SMOC1: variants seen among roughly 807,000 people sequenced by gnomAD.
The protein encoded by SMOC1 is SPARC related modular calcium binding 1.
Under a neutral mutation model 56.3 loss-of-function variants are expected in SMOC1, and 22 were observed. The ratio of observed to expected loss-of-function variants is 0.39; its 90% CI spans 0.28 to 0.56. SMOC1 has a LOEUF of 0.56. Among genes scored for constraint, SMOC1 ranks in the 20% least tolerant of loss-of-function variants. The probability of loss-of-function intolerance (pLI) is 0.61; values close to 1 mark genes in which losing one functional copy is unlikely to be tolerated. For missense variants in SMOC1, 509 were observed against 565.4 expected (o/e 0.90, Z 1.01); for synonymous variants, 193 against 215.0 (o/e 0.90, Z 0.89).
intron 3 of SMOC1, among the ~76,000 whole-genome samples, chr14:69,973,447 T>C (rs985256125): frequency 4.6e-5 from 7 of 152,340 alleles, no homozygotes; most frequent in African/African-American, 1.7e-4. Flanking sequence ...TCTATCTGGA[T>C]TTTTTTCCAT....
intron 3 of SMOC1, among the ~76,000 whole-genome samples, chr14:69,971,899 T>C (rs1014904723): frequency 2.6e-5 from 4 of 152,238 alleles, no homozygotes; most frequent in African/African-American, 9.6e-5. Context: ...CTGCTCAGAA[T>C]AGGATGTTCT....
At chr14:69,891,813 T>C (rs1468247865) in intron 1 of SMOC1, among the ~76,000 whole-genome samples, 1 of 152,184 alleles carries the variant, frequency 6.6e-6, no homozygotes, top group African/African-American at 2.4e-5. Flanking sequence ...CCCAGGTAAA[T>C]TGGAATTTCA....
intron 11 of SMOC1, among the ~76,000 whole-genome samples, chr14:70,027,778 G>A (rs1273459113): frequency 6.6e-6 from 1 of 152,210 alleles, no homozygotes; most frequent in Non-Finnish European, 1.5e-5. Context: ...TAATGTGTGT[G>A]AAGAACTTAG....
At chr14:69,935,788 G>A (rs1251164236) in intron 1 of SMOC1, among the ~76,000 whole-genome samples, 2 of 152,208 alleles carry the variant, frequency 1.3e-5, no homozygotes, top group Admixed American at 1.3e-4. Context: ...TAGGAACAGT[G>A]AGGATTGCGT....
At chr14:69,982,233 T>G (rs1884206386) in intron 5 of SMOC1, among the ~76,000 whole-genome samples, 1 of 152,234 alleles carries the variant, frequency 6.6e-6, no homozygotes, top group Non-Finnish European at 1.5e-5. Flanking sequence ...TAAACTTTTC[T>G]GCATGGGCTT....
chr14:69,977,815 A>G (rs1594834593), intron 4 of SMOC1, 103 bp from the exon 5 acceptor site: 2 of 863,156 alleles, frequency 2.3e-6, no homozygotes, highest in Non-Finnish European at 2.0e-6. Context: ...ATACATATAT[A>G]CATGACCATA....
intron 1 of SMOC1, among the ~76,000 whole-genome samples, chr14:69,900,972 G>C (rs919509688): frequency 2.0e-5 from 3 of 152,140 alleles, no homozygotes; most frequent in African/African-American, 7.2e-5. Context: ...TTTTTGGGTT[G>C]GAGCTGCTCC....
At chr14:69,970,559 C>T (rs1405344337) in intron 3 of SMOC1, among the ~76,000 whole-genome samples, 1 of 152,192 alleles carries the variant, frequency 6.6e-6, no homozygotes, top group Non-Finnish European at 1.5e-5. Flanking sequence ...CTTTGAGGCC[C>T]AAGTGAGATA....
chr14:69,939,373 T>TG (rs1422369482), intron 1 of SMOC1, among the ~76,000 whole-genome samples: 1 of 152,146 alleles, frequency 6.6e-6, no homozygotes, highest in Non-Finnish European at 1.5e-5. Flanking sequence ...GAGAACAGCA[T>TG]GGGAAAAAAC....
chr14:69,948,738 A>G (rs1188767347), intron 1 of SMOC1, among the ~76,000 whole-genome samples: 1 of 152,214 alleles, frequency 6.6e-6, no homozygotes, highest in Non-Finnish European at 1.5e-5. Context: ...AAGAAGATGA[A>G]CAAGAACTTA....
At chr14:69,977,340 T>C (rs150153568) in intron 4 of SMOC1, among the ~76,000 whole-genome samples, 4 of 152,334 alleles carry the variant, frequency 2.6e-5, no homozygotes, top group African/African-American at 7.2e-5. Flanking sequence ...ACATACCTGC[T>C]ACCCGCTCCT....
Position 69,992,403 on chromosome 14 carries a change from A to C in SMOC1, c.527-14A>C. On this transcript the variant is annotated splice_polypyrimidine_tract_variant and intron_variant, in intron 5 of 11. Transcript: ENST00000361956. ...TGGTAGTCTCCTTTCGATTCTTTTT[A>C]ACCCTCAATTCAGATGACGGGTCTA... 1.2e-6 allele frequency: 2 copies of C among 1,613,786 alleles called. No homozygotes were observed. The highest frequency in any genetic ancestry group is 1.7e-6 in the Non-Finnish European group (2 of 1,179,800).
intron 1 of SMOC1, among the ~76,000 whole-genome samples, chr14:69,891,965 C>A (rs1883973561): frequency 6.6e-6 from 1 of 151,904 alleles, no homozygotes. Context: ...AAATTACCTG[C>A]CCAGGGTTTT....
intron 10 of SMOC1, among the ~76,000 whole-genome samples, chr14:70,018,922 G>A (rs990353558): frequency 3.3e-5 from 5 of 152,244 alleles, no homozygotes; most frequent in Admixed American, 1.3e-4. Flanking sequence ...TCCAGACGGG[G>A]CTCAGTTGGT....
At chr14:69,977,885 G>A (rs377613918) in intron 4 of SMOC1, 33 bp from the exon 5 acceptor site, 4 of 1,605,272 alleles carry the variant, frequency 2.5e-6, no homozygotes, top group African/African-American at 2.7e-5. Flanking sequence ...TGCATTCTGA[G>A]TGGCTATGTT....
intron 1 of SMOC1, among the ~76,000 whole-genome samples, chr14:69,932,637 G>C (rs919777544): frequency 6.6e-6 from 1 of 152,158 alleles, no homozygotes; most frequent in South Asian, 2.1e-4. Flanking sequence ...TATCACAGCC[G>C]GCCTCTGCTC....
chr14:69,958,084 C>A (rs1883251758), intron 3 of SMOC1, among the ~76,000 whole-genome samples: 1 of 152,094 alleles, frequency 6.6e-6, no homozygotes, highest in Non-Finnish European at 1.5e-5. Flanking sequence ...AATTTTTGGA[C>A]ACAAATACCT....
At chr14:69,956,858 G>T (rs1171528398) in intron 3 of SMOC1, among the ~76,000 whole-genome samples, 2 of 152,090 alleles carry the variant, frequency 1.3e-5, no homozygotes, top group Non-Finnish European at 2.9e-5. Flanking sequence ...TGAAACCTAG[G>T]CCATATCCCA....
At chr14:69,930,810 G>T (rs949671917) in intron 1 of SMOC1, among the ~76,000 whole-genome samples, 1 of 152,348 alleles carries the variant, frequency 6.6e-6, no homozygotes, top group South Asian at 2.1e-4. Context: ...AATGCAGGGG[G>T]TGACCTGATT....
Sources: allele counts gnomAD v4.1 joint callset (sites outside exome capture counted in the v4.1 genomes callset), GRCh38; gene constraint gnomAD v4.1.1; transcripts MANE v1.5; gene names NCBI Gene and HGNC (gene_info 2026-07-23, HGNC 2026-07-21).